Variants in GULP1 observed in about 807,000 individuals in gnomAD.
GULP1 encodes the protein PTB domain-containing engulfment adapter protein 1.
Under a neutral mutation model 40.9 loss-of-function variants are expected in GULP1, and 19 were observed. The ratio of observed to expected loss-of-function variants is 0.46; its 90% CI spans 0.32 to 0.68. GULP1 has a LOEUF of 0.68. Among genes scored for constraint, GULP1 ranks in the 30% least tolerant of loss-of-function variants. GULP1 has a pLI of 0.03. For missense variants in GULP1, 312 were observed against 362.2 expected (o/e 0.86, Z 1.12); for synonymous variants, 119 against 117.6 (o/e 1.01, Z -0.08).
At chr2:188,435,440 A>C (rs115555667) in intron 2 of GULP1, among the ~76,000 whole-genome samples, 1,852 of 152,156 alleles carry the variant, frequency 0.012, 16 homozygotes, top group East Asian at 0.022. Flanking sequence ...CTGACTATTA[A>C]TGGCTTACTC....
At chr2:188,369,694 T>A (rs1361940088) in intron 1 of GULP1, among the ~76,000 whole-genome samples, 1 of 152,216 alleles carries the variant, frequency 6.6e-6, no homozygotes, top group African/African-American at 2.4e-5. Context: ...TTATACTTAT[T>A]ATTCATGAAC....
At chr2:188,402,944 G>GT (rs2152658175) in intron 2 of GULP1, among the ~76,000 whole-genome samples, 1 of 152,246 alleles carries the variant, frequency 6.6e-6, no homozygotes, top group East Asian at 1.9e-4. Context: ...AAAAGGGAAA[G>GT]TAAATTTACC....
chr2:188,493,560 C>G (rs574085933), intron 4 of GULP1, among the ~76,000 whole-genome samples: 1 of 152,134 alleles, frequency 6.6e-6, no homozygotes, highest in East Asian at 1.9e-4. Context: ...AATGTCACCC[C>G]TAAACTCCAG....
intron 9 of GULP1, chr2:188,582,547 C>T (rs1285878513): frequency 2.1e-6 from 1 of 471,254 alleles, no homozygotes; most frequent in East Asian, 6.9e-5. Flanking sequence ...TCAGTGAGAG[C>T]AGCATCCCAA....
chr2:188,392,400 T>C (rs930357957), intron 2 of GULP1, among the ~76,000 whole-genome samples: 2 of 152,078 alleles, frequency 1.3e-5, no homozygotes, highest in Non-Finnish European at 2.9e-5. Context: ...GAGGTGTTCA[T>C]AGTAGTCTCA....
At chr2:188,572,743 A>ACATTAT (rs1357845069) in intron 9 of GULP1, among the ~76,000 whole-genome samples, 1 of 152,180 alleles carries the variant, frequency 6.6e-6, no homozygotes, top group African/African-American at 2.4e-5. Flanking sequence ...ATACTAAGTG[A>ACATTAT]AATAAGCCAT....
intron 10 of GULP1, 86 bp from the exon 11 acceptor site, chr2:188,587,769 C>T: frequency 1.4e-6 from 1 of 739,442 alleles, no homozygotes; most frequent in Non-Finnish European, 2.4e-6. Context: ...TGTAAATATT[C>T]ATTTATATAA....
chr2:188,577,413 C>A (rs1700373047), intron 9 of GULP1, among the ~76,000 whole-genome samples: 1 of 152,070 alleles, frequency 6.6e-6, no homozygotes, highest in Non-Finnish European at 1.5e-5. Flanking sequence ...GAATGTGAAT[C>A]TTTAAACAAA....
intron 7 of GULP1, among the ~76,000 whole-genome samples, chr2:188,550,832 G>A (rs759659945): frequency 2.0e-5 from 3 of 151,246 alleles, no homozygotes; most frequent in Non-Finnish European, 4.4e-5. Flanking sequence ...GATTGAGGGA[G>A]AGCTAATTTC....
At chr2:188,497,905 A>G (rs2063059229) in intron 4 of GULP1, among the ~76,000 whole-genome samples, 1 of 151,962 alleles carries the variant, frequency 6.6e-6, no homozygotes, top group African/African-American at 2.4e-5. Flanking sequence ...AGCCATCTCT[A>G]GATTATGAAC....
intron 2 of GULP1, among the ~76,000 whole-genome samples, chr2:188,415,465 A>G (rs2054455426): frequency 6.6e-6 from 1 of 152,066 alleles, no homozygotes; most frequent in South Asian, 2.1e-4. Context: ...AGACCCCCAT[A>G]TAATTTGGAG....
At chr2:188,422,631 G>A (rs2055608295) in intron 2 of GULP1, among the ~76,000 whole-genome samples, 1 of 151,824 alleles carries the variant, frequency 6.6e-6, no homozygotes, top group Non-Finnish European at 1.5e-5. Context: ...AATAAATAGA[G>A]CAAACATTCA....
intron 2 of GULP1, among the ~76,000 whole-genome samples, chr2:188,408,464 G>A (rs1162541700): frequency 6.6e-6 from 1 of 152,072 alleles, no homozygotes; most frequent in Non-Finnish European, 1.5e-5. Context: ...TCATCAATAA[G>A]ATGTAAAATT....
chr2:188,477,160 C>G (rs953277316), intron 2 of GULP1, among the ~76,000 whole-genome samples: 3 of 152,060 alleles, frequency 2.0e-5, no homozygotes, highest in Non-Finnish European at 4.4e-5. Flanking sequence ...AATACTGTGC[C>G]AAGTACTTTC....
intron 1 of GULP1, among the ~76,000 whole-genome samples, chr2:188,335,165 C>T (rs1402475556): frequency 6.6e-6 from 1 of 152,118 alleles, no homozygotes; most frequent in Non-Finnish European, 1.5e-5. Context: ...TAGTGCCAGA[C>T]TAGAAAGGTA....
At chr2:188,299,400 A>T (rs765121327) in intron 1 of GULP1, among the ~76,000 whole-genome samples, 27 of 152,142 alleles carry the variant, frequency 1.8e-4, no homozygotes, top group Non-Finnish European at 1.8e-4. Context: ...TTTGAAGAGG[A>T]ATTTACTGTA....
intron 4 of GULP1, among the ~76,000 whole-genome samples, chr2:188,510,949 G>T (rs2064464305): frequency 6.6e-6 from 1 of 152,020 alleles, no homozygotes; most frequent in Non-Finnish European, 1.5e-5. Context: ...GGGTGGGTTG[G>T]TTCTTTTTAT....
rs1165395590 is a variant in GULP1, at chr2:188,595,486, A to C, written c.*1475A>C. ...TCTTGTTTAGTTTCTTTTATCTGCT[A>C]AGTTGTACCTTAATTAGAGGGCAAT... On this transcript the variant is annotated 3_prime_UTR_variant, in exon 12 of 12. Coordinates refer to ENST00000409830, the MANE Select transcript of GULP1 (RefSeq NM_016315.4). 2 of 152,260 alleles carry C rather than the reference A, an allele frequency of 1.3e-5. No homozygotes were observed. The highest frequency in any genetic ancestry group is 3.9e-4 in the East Asian group (2 of 5,178). The allele number at this position is 152,260 out of a possible 1,614,324, so 9.4% of individuals were successfully genotyped here.
At chr2:188,497,005 T>G (rs1240580083) in intron 4 of GULP1, among the ~76,000 whole-genome samples, 1 of 152,018 alleles carries the variant, frequency 6.6e-6, no homozygotes, top group Non-Finnish European at 1.5e-5. Context: ...CTGTACAGCC[T>G]GCAGAACTGT....
Sources: gnomAD v4.1 joint callset for allele counts (sites outside exome capture counted in the v4.1 genomes callset) on GRCh38, gnomAD v4.1.1 for gene constraint, MANE v1.5 for transcripts, NCBI Gene and HGNC (gene_info 2026-07-23, HGNC 2026-07-21) for gene names.